NMNAT1: variants seen among roughly 807,000 people sequenced by gnomAD.
NMNAT1 encodes the protein nicotinamide nucleotide adenylyltransferase 1, also known as nicotinamide/nicotinic acid mononucleotide adenylyltransferase 1.
In NMNAT1, 11 loss-of-function variants were observed where a neutral mutation model predicts 16.7. The observed-to-expected ratio is 0.66, with a 90% CI of 0.41 to 1.09. The LOEUF (loss-of-function observed/expected upper bound fraction) is 1.09, where lower values mean the gene tolerates loss of function less well. NMNAT1 is among the 50% of genes least tolerant of loss of function. The probability of loss-of-function intolerance (pLI) is 0.00; values close to 1 mark genes in which losing one functional copy is unlikely to be tolerated. For missense variants in NMNAT1, 280 were observed against 332.3 expected, an observed-to-expected ratio of 0.84 and a Z score of 1.22; for synonymous variants, 110 against 119.8, an observed-to-expected ratio of 0.92 and a Z score of 0.53.
intron 1 of NMNAT1, among the ~76,000 whole-genome samples, chr1:9,962,223 C>G (rs1038392762): frequency 6.6e-6 from 1 of 151,896 alleles, no homozygotes; most frequent in Non-Finnish European, 1.5e-5. Flanking sequence ...TGGCTCACGC[C>G]TATAATCCCA....
chr1:9,942,945 G>C (rs1411428721), upstream of NMNAT1: 2 of 354,506 alleles, frequency 5.6e-6, no homozygotes, highest in Admixed American at 3.7e-5. Context: ...TCTTCCTAGC[G>C]AGGCCGAGAG....
chr1:9,972,494 C>CAAAA (rs34232396), intron 2 of NMNAT1: 18 of 143,174 alleles, frequency 1.3e-4, no homozygotes, highest in African/African-American at 2.1e-4. Flanking sequence ...GACACCATCT[C>CAAAA]AAAAAAAAAA....
rs187736998 is a variant in NMNAT1 at position 9,975,023 on chromosome 1, G to A, written c.116-569G>A. 1.7e-3 allele frequency among the ~76,000 whole-genome samples: 264 copies of A among 152,268 alleles called. 1 individual carries two copies. Among genetic ancestry groups the A allele is most frequent in the South Asian group, 9.1e-3 (44 of 4,826 alleles). On this transcript the variant is annotated intron_variant, in intron 2 of 4. Coordinates refer to ENST00000377205, the MANE Select transcript of NMNAT1 (RefSeq NM_022787.4). The stretch of plus-strand genomic sequence containing the variant: ...TAACTGTATAGGGGAATGAGGTGAA[G>A]TACAGAGTGTCAGTTGGGGAAGATG...
chr1:9,972,306 C>T (rs1002229337), intron 2 of NMNAT1, 118 bp downstream of exon 2: 3 of 655,608 alleles, frequency 4.6e-6, no homozygotes, highest in East Asian at 2.6e-5. Flanking sequence ...GTCAAGAGAT[C>T]GAGACCATCC....
intron 2 of NMNAT1, among the ~76,000 whole-genome samples, chr1:9,973,113 T>A (rs1174965181): frequency 6.6e-6 from 1 of 152,060 alleles, no homozygotes; most frequent in Admixed American, 6.6e-5. Flanking sequence ...TTTTCTTTTT[T>A]CTTTCTTTCT....
chr1:9,980,987 G>T (rs1006236021), intron 3 of NMNAT1, 44 bp from the exon 4 acceptor site: 1 of 1,578,434 alleles, frequency 6.3e-7, no homozygotes, highest in African/African-American at 1.4e-5. Context: ...TTCTAATGGA[G>T]CATGTGAGAA....
At chr1:9,977,287 A>G (rs528562366) in intron 3 of NMNAT1, among the ~76,000 whole-genome samples, 152 of 151,826 alleles carry the variant, frequency 1.0e-3, no homozygotes, top group African/African-American at 3.5e-3. Context: ...GGGCCTCGCT[A>G]TGTTGCCTAT....
At chr1:9,943,912 C>T (rs571177093) in intron 1 of NMNAT1, among the ~76,000 whole-genome samples, 5 of 152,202 alleles carry the variant, frequency 3.3e-5, no homozygotes, top group African/African-American at 9.6e-5. Flanking sequence ...GGTGGTTTGA[C>T]ACTCATGCTC....
At chr1:9,989,632 C>G (rs1642085424), downstream of NMNAT1, among the ~76,000 whole-genome samples, 1 of 152,098 alleles carries the variant, frequency 6.6e-6, no homozygotes, top group Admixed American at 6.6e-5. Flanking sequence ...CCTTCTTGCT[C>G]CATCCTCCTT....
chr1:9,972,181 T>C lies in NMNAT1; in HGVS notation c.108T>C (p.Asn36=), dbSNP rs754428867. The change falls in exon 2 of 5, where the codon AAT becomes AAC. Residue 36 remains asparagine, a synonymous_variant. Coordinates refer to ENST00000377205, the MANE Select transcript of NMNAT1 (RefSeq NM_022787.4). The part of the protein sequence containing the change: ...RLFELAKDYM[N]GTGRYTVVKG... ...TTGAGCTGGCCAAGGACTACATGAA[T>C]GGAACAGGTAGGAGCAGTAACCAAA... 8.8e-6 allele frequency: 14 copies of C among 1,592,712 alleles called. No individual in the cohort carries two copies. The highest frequency in any genetic ancestry group is 1.2e-5 in the Non-Finnish European group (14 of 1,160,860).
At chr1:9,962,503 C>T (rs1055535415) in intron 1 of NMNAT1, among the ~76,000 whole-genome samples, 12 of 150,904 alleles carry the variant, frequency 8.0e-5, no homozygotes, top group African/African-American at 2.9e-4. Flanking sequence ...AAAATAACAG[C>T]TACCATTCAT....
Position 9,982,559 on chromosome 1 carries a change from G to A in NMNAT1, c.698G>A (p.Gly233Asp). 6.2e-7 allele frequency: 1 copy of A among 1,614,142 alleles called. No homozygotes were observed. Among genetic ancestry groups the A allele is most frequent in the Non-Finnish European group, 8.5e-7 (1 of 1,180,048 alleles). The change falls in exon 5 of 5, where the codon GGC becomes GAC. Residue 233 changes from glycine to aspartate, a missense_variant. Coordinates refer to ENST00000377205, the MANE Select transcript of NMNAT1 (RefSeq NM_022787.4). Reference protein sequence around the residue: ...STKIRRALRRGQSIRYLVPDL... With the variant: ...STKIRRALRRDQSIRYLVPDL... ...AAAATCCGGAGAGCCCTCAGAAGGG[G>A]CCAGAGCATTCGCTACTTGGTACCA...
intron 3 of NMNAT1, among the ~76,000 whole-genome samples, chr1:9,976,012 C>T (rs1341578223): frequency 1.3e-5 from 2 of 152,044 alleles, no homozygotes; most frequent in Non-Finnish European, 2.9e-5. Flanking sequence ...TGCGGCCAGG[C>T]GCGGTGGCTC....
At chr1:9,991,457 A>T in the NMNAT1 span, among the ~76,000 whole-genome samples, 3 of 152,192 alleles carry the variant, frequency 2.0e-5, no homozygotes, top group African/African-American at 7.2e-5. Flanking sequence ...GGCGTGAGCC[A>T]CCGCACCAAG....
intron 1 of NMNAT1, among the ~76,000 whole-genome samples, chr1:9,959,214 A>C (rs972742942): frequency 6.6e-6 from 1 of 152,082 alleles, no homozygotes; most frequent in Admixed American, 6.6e-5. Flanking sequence ...TCTACTAAAA[A>C]TACAAAAATT....
the NMNAT1 span, among the ~76,000 whole-genome samples, chr1:9,991,175 A>AGTCAGCT: frequency 3.6e-5 from 5 of 137,140 alleles, no homozygotes; most frequent in South Asian, 9.4e-4. Context: ...CTGTTCTCTT[A>AGTCAGCT]GTCAGCTGAA....
In NMNAT1 at chr1:9,977,868, C is replaced by A. The variant is rs544166674; in HGVS notation, c.299+2093C>A. 7.9e-5 allele frequency among the ~76,000 whole-genome samples: 12 copies of A among 151,194 alleles called. No individual in the cohort carries two copies. The East Asian group carries it at 1.4e-3, about 17-fold the overall frequency. ...ATGAGACTGTCTCAAAAAACAACAA[C>A]AAAAAAAAGTAAAAGGGCTGGAGAA... On this transcript the variant is annotated intron_variant, in intron 3 of 4. Transcript: ENST00000377205.
chr1:9,991,860 T>C, the NMNAT1 span, among the ~76,000 whole-genome samples: 2 of 151,960 alleles, frequency 1.3e-5, no homozygotes, highest in Non-Finnish European at 2.9e-5. Context: ...TCCAAGTACT[T>C]TTCTGTCCAC....
chr1:9,986,759 G>A (rs1335991058), downstream of NMNAT1, among the ~76,000 whole-genome samples: 2 of 152,238 alleles, frequency 1.3e-5, no homozygotes, highest in African/African-American at 2.4e-5. Context: ...GTGTGCGCCT[G>A]TAGTCCCAGC....
Sources: gnomAD v4.1 joint callset for allele counts (sites outside exome capture counted in the v4.1 genomes callset) on GRCh38, gnomAD v4.1.1 for gene constraint, MANE v1.5 for transcripts, NCBI Gene and HGNC (gene_info 2026-07-23, HGNC 2026-07-21) for gene names.